ZDHHC18: variants seen among roughly 807,000 people sequenced by gnomAD.
ZDHHC18 encodes the protein palmitoyltransferase ZDHHC18.
Under a neutral mutation model 37.5 loss-of-function variants are expected in ZDHHC18, and 23 were observed. That is an observed-to-expected ratio of 0.61 (90% confidence interval 0.44 to 0.87). ZDHHC18 has a LOEUF of 0.87. Ranked by LOEUF, ZDHHC18 falls within the 40% of genes least tolerant of loss-of-function variation. The pLI is 0.00. For synonymous variants in ZDHHC18, 185 were observed against 218.7 expected (o/e 0.85, Z 1.36); for missense variants, 406 against 525.6 (o/e 0.77, Z 2.22).
chr1:26,828,489 A>C (rs1463819668), intron 1 of ZDHHC18, among the ~76,000 whole-genome samples: 1 of 151,884 alleles, frequency 6.6e-6, no homozygotes, highest in Non-Finnish European at 1.5e-5. Flanking sequence ...CAAGCACACT[A>C]TGTTGGCTGC....
chr1:26,835,149 A>G (rs1349102144), intron 2 of ZDHHC18, among the ~76,000 whole-genome samples: 1 of 152,174 alleles, frequency 6.6e-6, no homozygotes, highest in Non-Finnish European at 1.5e-5. Context: ...GGGAAGGAGG[A>G]GGGATGGGAA....
rs187742378 is a variant in ZDHHC18, at chr1:26,843,365, T to C, written c.497-5243T>C. ...CAGGTTGGCCAGGCTGGTCTCGAAC[T>C]CCTGACCTAAGGTGATCCACCCGTC... On this transcript the variant is annotated intron_variant, in intron 2 of 7. Transcript: ENST00000374142. Among the ~76,000 whole-genome samples, 147 of 149,372 alleles carry C rather than the reference T, an allele frequency of 9.8e-4. 1 individual carries two copies. Among genetic ancestry groups the C allele is most frequent in the African/African-American group, 3.3e-3 (136 of 40,812 alleles).
chr1:26,841,572 G>A (rs558490865), intron 2 of ZDHHC18, among the ~76,000 whole-genome samples: 2 of 152,172 alleles, frequency 1.3e-5, no homozygotes, highest in Non-Finnish European at 2.9e-5. Flanking sequence ...AAGTCAGCAA[G>A]GAAGCAGTGA....
At chr1:26,827,459 C>T (rs988778907) in intron 1 of ZDHHC18, among the ~76,000 whole-genome samples, 5 of 152,054 alleles carry the variant, frequency 3.3e-5, no homozygotes, top group Admixed American at 2.6e-4. Flanking sequence ...CCTCCATGCC[C>T]CTCCACGGCC....
rs1474568983 is a variant in ZDHHC18, at chr1:26,857,537, CT to C, written c.*3696del. 6.6e-6 allele frequency: 1 copy of C among 151,968 alleles called. No homozygotes were observed. Among genetic ancestry groups the C allele is most frequent in the Non-Finnish European group, 1.5e-5 (1 of 68,008 alleles). 9.4% of individuals were successfully genotyped at this position (151,968 alleles called of 1,614,324 possible). A position where few individuals can be genotyped will look rare whatever the true frequency, so the allele number is the denominator to read the frequency against. On this transcript the variant is annotated 3_prime_UTR_variant, in exon 8 of 8. Transcript: ENST00000374142. The stretch of plus-strand genomic sequence containing the variant: ...CAGCTGAGCCCAGGGCTGGGGGCTG[CT>C]TGTCTGCTATCCTGTACCTTTTTTT...
At chr1:26,847,689 CT>C (rs1372024403) in intron 2 of ZDHHC18, among the ~76,000 whole-genome samples, 2 of 148,690 alleles carry the variant, frequency 1.3e-5, no homozygotes, top group Non-Finnish European at 1.5e-5. Flanking sequence ...CTCTCTCTCT[CT>C]TTTTTTTTTA....
At position 26,853,799 on chromosome 1, in the gene ZDHHC18, T is replaced by C. The variant is rs1168861443; in HGVS notation, c.1123T>C (p.Cys375Arg). ...ACCCATCAGAAGCGATGAGCCAGCCTGCAGAGCCAAGCCTGATGCCAGCAT... is the reference window on the plus strand; with the variant it reads ...ACCCATCAGAAGCGATGAGCCAGCCCGCAGAGCCAAGCCTGATGCCAGCAT... ...PSPIRSDEPA[C>R]RAKPDASMVG... The change falls in exon 8 of 8, where the codon TGC becomes CGC. Residue 375 changes from cysteine (C) to arginine (R), a missense_variant. By Grantham distance (180) the Cys-to-Arg change is radical. Transcript: ENST00000374142. The C allele has an allele frequency of 1.2e-6, 2 of 1,613,956 alleles. No homozygotes were observed. The highest frequency in any genetic ancestry group is 1.7e-6 in the Non-Finnish European group (2 of 1,180,030).
At chr1:26,828,367 C>G (rs1033303040) in intron 1 of ZDHHC18, among the ~76,000 whole-genome samples, 5 of 152,052 alleles carry the variant, frequency 3.3e-5, no homozygotes, top group African/African-American at 1.2e-4. Flanking sequence ...CACTTCACCC[C>G]CTCAGTGCCC....
chr1:26,849,732 C>T (rs1394165971), intron 3 of ZDHHC18, among the ~76,000 whole-genome samples: 1 of 152,242 alleles, frequency 6.6e-6, no homozygotes, highest in African/African-American at 2.4e-5. Context: ...TGCAGCTCAG[C>T]CCCTCCCTGG....
chr1:26,832,500 T>C lies in ZDHHC18; in HGVS notation c.389T>C (p.Ile130Thr). ...LTLAIPIIAAILFFFVMSCLL... is the reference protein window; with the variant it reads ...LTLAIPIIAATLFFFVMSCLL... ...CTTGCCATCCCCATCATCGCTGCCA[T>C]CCTCTTCTTCTTCGTCATGAGCTGC... The change falls in exon 2 of 8, where the codon ATC (isoleucine) becomes ACC (threonine). Residue 130 changes from isoleucine (I) to threonine (T), a missense_variant. Coordinates refer to ENST00000374142, the MANE Select transcript of ZDHHC18 (RefSeq NM_032283.3). The C allele has an allele frequency of 6.2e-7, 1 of 1,614,140 alleles. No individual in the cohort carries two copies. Among genetic ancestry groups the C allele is most frequent in the Non-Finnish European group, 8.5e-7 (1 of 1,180,018 alleles).
intron 1 of ZDHHC18, among the ~76,000 whole-genome samples, 155 bp downstream of exon 1, chr1:26,827,294 CT>C (rs1184429705): frequency 1.3e-5 from 2 of 151,180 alleles, no homozygotes; most frequent in Admixed American, 6.6e-5. Flanking sequence ...GTCTGCCCCC[CT>C]GGCCCCTGCG....
rs1474269453 is a variant in ZDHHC18, at chr1:26,850,638, G to A, written c.833+32G>A. 6.2e-7 allele frequency: 1 copy of A among 1,613,152 alleles called. No individual in the cohort carries two copies. The highest frequency in any genetic ancestry group is 8.5e-7 in the Non-Finnish European group (1 of 1,179,496). The stretch of plus-strand genomic sequence containing the variant: ...TTTGTCAGCTAGAGGACACTCCAGT[G>A]GGAACTGAGGTCCCTTCACTGGGTG... On this transcript the variant is annotated intron_variant, in intron 5 of 7. Coordinates refer to ENST00000374142, the MANE Select transcript of ZDHHC18 (RefSeq NM_032283.3). The surrounding 1 kb of genome is among the most constrained non-coding windows in gnomAD (Gnocchi z 6.1).
intron 2 of ZDHHC18, among the ~76,000 whole-genome samples, chr1:26,843,436 C>G (rs1041284987): frequency 6.6e-6 from 1 of 151,440 alleles, no homozygotes; most frequent in Non-Finnish European, 1.5e-5. Flanking sequence ...CCACCGTGCC[C>G]GGCCTCCTTT....
intron 3 of ZDHHC18, 24 bp downstream of exon 3, chr1:26,848,781 G>A (rs2124265874): frequency 1.9e-6 from 3 of 1,599,282 alleles, no homozygotes; most frequent in Middle Eastern, 1.7e-4. Context: ...AGCAGGGAGG[G>A]ATGCAGGGAT....
At chr1:26,844,603 G>A (rs1307135800) in intron 2 of ZDHHC18, among the ~76,000 whole-genome samples, 2 of 152,176 alleles carry the variant, frequency 1.3e-5, no homozygotes, top group Non-Finnish European at 2.9e-5. Context: ...GCGTGCATAT[G>A]TTCAGCTTGG....
intron 1 of ZDHHC18, among the ~76,000 whole-genome samples, chr1:26,830,582 A>T (rs981829019): frequency 2.6e-5 from 4 of 152,090 alleles, no homozygotes; most frequent in Admixed American, 6.5e-5. Flanking sequence ...ACAGTAGTTT[A>T]TTAATTAGGG....
At chr1:26,847,735 G>C (rs2081679184) in intron 2 of ZDHHC18, among the ~76,000 whole-genome samples, 1 of 151,084 alleles carries the variant, frequency 6.6e-6, no homozygotes, top group African/African-American at 2.4e-5. Context: ...AGGCTGGAGT[G>C]CAGTGGCGTG....
Position 26,853,910 on chromosome 1 carries a change from C to A in ZDHHC18, c.*67C>A, listed in dbSNP as rs2081720205. On this transcript the variant is annotated 3_prime_UTR_variant, in exon 8 of 8. Coordinates refer to ENST00000374142, the MANE Select transcript of ZDHHC18 (RefSeq NM_032283.3). ...CCGCACTCACCTGCCGGGACCCTCC[C>A]TATTCCATCCAAGGGAAGCAGAACT... 1 of 1,371,074 alleles carries A rather than the reference C, an allele frequency of 7.3e-7. No individual in the cohort carries two copies. The highest frequency in any genetic ancestry group is 1.0e-6 in the Non-Finnish European group (1 of 974,042). The allele number at this position is 1,371,074 out of a possible 1,614,324, so 84.9% of individuals were successfully genotyped here. A position where few individuals can be genotyped will look rare whatever the true frequency, so the allele number is the denominator to read the frequency against.
At chr1:26,830,211 G>A (rs1023819166) in intron 1 of ZDHHC18, among the ~76,000 whole-genome samples, 1 of 152,172 alleles carries the variant, frequency 6.6e-6, no homozygotes, top group East Asian at 1.9e-4. Flanking sequence ...GCCTCCCAGG[G>A]CCCCGTCATC....
Sources: allele counts gnomAD v4.1 joint callset (sites outside exome capture counted in the v4.1 genomes callset), GRCh38; gene constraint gnomAD v4.1.1; non-coding constraint Gnocchi (gnomAD v3.1); transcripts MANE v1.5; gene names NCBI Gene and HGNC (gene_info 2026-07-23, HGNC 2026-07-21).